The following ZSWIM1 variants were observed in gnomAD, a reference collection of about 807,000 sequenced individuals.
The protein encoded by ZSWIM1 is zinc finger SWIM domain-containing protein 1.
Under a neutral mutation model 29.3 loss-of-function variants are expected in ZSWIM1, and 22 were observed. The observed-to-expected ratio is 0.75, with a 90% CI of 0.54 to 1.07. ZSWIM1 has a LOEUF of 1.07. Among genes scored for constraint, ZSWIM1 ranks in the 50% least tolerant of loss-of-function variants. ZSWIM1 has a pLI of 0.00. For synonymous variants in ZSWIM1, 228 were observed against 240.8 expected, an observed-to-expected ratio of 0.95 and a Z score of 0.49; for missense variants, 511 against 596.2, an observed-to-expected ratio of 0.86 and a Z score of 1.49.
rs778858078 is a variant in ZSWIM1, at chr20:45,882,590, T to C, written c.-3T>C. On this transcript the variant is annotated 5_prime_UTR_variant, in exon 2 of 2. Transcript: ENST00000372523. ...TGTCTAGCCTCCAGCCTCAACTTACTTGATGCTTGAGAGACTCAAAGCCCC... is the reference window on the plus strand; with the variant it reads ...TGTCTAGCCTCCAGCCTCAACTTACCTGATGCTTGAGAGACTCAAAGCCCC... 7.5e-6 allele frequency: 12 copies of C among 1,608,956 alleles called. No homozygotes were observed. The highest frequency in any genetic ancestry group is 1.0e-5 in the Non-Finnish European group (12 of 1,177,190).
In ZSWIM1 at chr20:45,883,165, A is replaced by G. The variant is rs1337687336; in HGVS notation, c.573A>G (p.Glu191=). The change falls in exon 2 of 2, where the codon GAA becomes GAG. Residue 191 remains glutamate (E), a synonymous_variant. Transcript: ENST00000372523. ...FYQLSLERPV[E]RLLLTSLQST... is the part of the protein sequence containing the mutation. ...AGCTGTCCCTTGAACGGCCCGTGGAAAGGCTGCTCCTGACCTCCCTGCAGA... is the reference window on the plus strand; with the variant it reads ...AGCTGTCCCTTGAACGGCCCGTGGAGAGGCTGCTCCTGACCTCCCTGCAGA... 1.2e-6 allele frequency: 2 copies of G among 1,614,092 alleles called. No individual in the cohort carries two copies. Among genetic ancestry groups the G allele is most frequent in the Non-Finnish European group, 8.5e-7 (1 of 1,180,028 alleles).
chr20:45,881,249 A>C lies in ZSWIM1; in HGVS notation c.-73A>C, dbSNP rs1196656490. 1.3e-5 allele frequency: 2 copies of C among 152,494 alleles called. No homozygotes were observed. Among genetic ancestry groups the C allele is most frequent in the Non-Finnish European group, 2.9e-5 (2 of 68,074 alleles). The allele number at this position is 152,494 out of a possible 1,614,324, so 9.4% of individuals were successfully genotyped here. On this transcript the variant is annotated 5_prime_UTR_variant, in exon 1 of 2. Transcript: ENST00000372523. ...GTCAAATAGGGAGAAATGGCGACGGAGCCTGGCTGTGGGTGAGTGCTTCCT... is the reference window on the plus strand; with the variant it reads ...GTCAAATAGGGAGAAATGGCGACGGCGCCTGGCTGTGGGTGAGTGCTTCCT...
In ZSWIM1 at chr20:45,882,723, GCC is replaced by G; in HGVS notation, c.133_134del (p.Pro45ThrfsTer8). On this transcript the variant is annotated frameshift_variant, in exon 2 of 2. Transcript: ENST00000372523. LOFTEE classifies it low-confidence loss of function (END_TRUNC). ...AATGGGCTCCTGATTAAGGACTCAA[GCC>G]CACCTATGCTGCTGCACCAGGTTAA... is the stretch of plus-strand genomic sequence containing the variant. The G allele has an allele frequency of 6.2e-7, 1 of 1,614,228 alleles. No homozygotes were observed. The highest frequency in any genetic ancestry group is 1.3e-5 in the African/African-American group (1 of 75,050).
chr20:45,884,326 A>C lies in ZSWIM1; in HGVS notation c.*276A>C, dbSNP rs1358556484. On this transcript the variant is annotated 3_prime_UTR_variant, in exon 2 of 2. Transcript: ENST00000372523. ...GGTGGCCACATACAGTCTCTGTTGT[A>C]TATTCTTGGTTTTGTTTTAATATTT... 2.3e-5 allele frequency: 7 copies of C among 306,946 alleles called. No homozygotes were observed. Among genetic ancestry groups the C allele is most frequent in the Non-Finnish European group, 3.0e-5 (5 of 164,590 alleles). The allele number at this position is 306,946 out of a possible 1,614,324, so 19.0% of individuals were successfully genotyped here.
Position 45,882,613 on chromosome 20 carries a change from C to T in ZSWIM1, c.21C>T (p.Ala7=). Residue 7 remains alanine (A), a synonymous_variant, in exon 2 of 2, where the codon GCC becomes GCT. Coordinates refer to ENST00000372523, the MANE Select transcript of ZSWIM1 (RefSeq NM_080603.5). ...ACTTGATGCTTGAGAGACTCAAAGCCCCGTGGTCAGCTGCCCTGCAAAGAA... is the reference window on the plus strand; with the variant it reads ...ACTTGATGCTTGAGAGACTCAAAGCTCCGTGGTCAGCTGCCCTGCAAAGAA... The part of the protein sequence containing the change: MLERLK[A]PWSAALQRKY... 1.2e-6 allele frequency: 2 copies of T among 1,613,720 alleles called. No homozygotes were observed. Among genetic ancestry groups the T allele is most frequent in the Non-Finnish European group, 1.7e-6 (2 of 1,179,802 alleles).
In ZSWIM1 at chr20:45,883,489, C is replaced by T. The variant is rs1162662531; in HGVS notation, c.897C>T (p.Gly299=). 6.2e-7 allele frequency: 1 copy of T among 1,614,226 alleles called. No homozygotes were observed. Among genetic ancestry groups the T allele is most frequent in the South Asian group, 1.1e-5 (1 of 91,090 alleles). Residue 299 remains glycine (G), a synonymous_variant, in exon 2 of 2, where the codon GGC becomes GGT. Coordinates refer to ENST00000372523, the MANE Select transcript of ZSWIM1 (RefSeq NM_080603.5). ...CAGACAAGGCAAACTTCAACCAGGG[C>T]CTGTGTGCCCAGAACAATCATGCTC... ...NSADKANFNQ[G]LCAQNNHAPS...
chr20:45,883,717 G>GCCCCAGC lies in ZSWIM1; in HGVS notation c.1130_1136dup (p.Ser381ProfsTer9). 1 of 1,614,084 alleles carries GCCCCAGC rather than the reference G, an allele frequency of 6.2e-7. No homozygotes were observed. The highest frequency in any genetic ancestry group is 1.1e-5 in the South Asian group (1 of 91,078). On this transcript the variant is annotated frameshift_variant, in exon 2 of 2. Coordinates refer to ENST00000372523, the MANE Select transcript of ZSWIM1 (RefSeq NM_080603.5). LOFTEE classifies it high-confidence loss of function. Reference sequence around the variant, plus strand: ...TCCTGGAAGATACCCATAAGGTGCAGCCCCAGCCCCCTGCCAGCTGCAGCT... The same window carrying GCCCCAGC: ...TCCTGGAAGATACCCATAAGGTGCAGCCCCAGCCCCCAGCCCCCTGCCAGCTGCAGCT...
At position 45,881,250 on chromosome 20, in the gene ZSWIM1, G is replaced by A. The variant is rs141212344; in HGVS notation, c.-72G>A. On this transcript the variant is annotated 5_prime_UTR_variant, in exon 1 of 2. Coordinates refer to ENST00000372523, the MANE Select transcript of ZSWIM1 (RefSeq NM_080603.5). ...TCAAATAGGGAGAAATGGCGACGGA[G>A]CCTGGCTGTGGGTGAGTGCTTCCTG... 9 of 152,656 alleles carry A rather than the reference G, an allele frequency of 5.9e-5. No individual in the cohort carries two copies. Among genetic ancestry groups the A allele is most frequent in the African/African-American group, 1.9e-4 (8 of 41,592 alleles). 9.5% of individuals were successfully genotyped at this position (152,656 alleles called of 1,614,324 possible).
In ZSWIM1 at chr20:45,881,786, A is replaced by G. The variant is rs549713216; in HGVS notation, c.-61+525A>G. On this transcript the variant is annotated intron_variant, in intron 1 of 1. Coordinates refer to ENST00000372523, the MANE Select transcript of ZSWIM1 (RefSeq NM_080603.5). The stretch of plus-strand genomic sequence containing the variant: ...GAGCAATTGCAGTTCTCTTATACAT[A>G]CCAGGACCAAAGGAAAGAATGGATG... Among the ~76,000 whole-genome samples, 3 of 152,356 alleles carry G rather than the reference A, an allele frequency of 2.0e-5. No homozygotes were observed. In the South Asian group the frequency reaches 6.2e-4, roughly 32 times the overall value.
In ZSWIM1 at chr20:45,882,852, C is replaced by T. The variant is rs377031412; in HGVS notation, c.260C>T (p.Pro87Leu). 3 of 1,614,094 alleles carry T rather than the reference C, an allele frequency of 1.9e-6. No individual in the cohort carries two copies. In the African/African-American group the frequency reaches 4.0e-5, roughly 22 times the overall value. ...EILFIHRTYN[P>L]RGKVLYTFLV... ...TTATTTATCCACCGGACCTATAACC[C>T]AAGGGGTAAGGTCTTATATACCTTC... Residue 87 changes from proline to leucine, a missense_variant, in exon 2 of 2, where the codon CCA becomes CTA. Coordinates refer to ENST00000372523, the MANE Select transcript of ZSWIM1 (RefSeq NM_080603.5).
Position 45,883,933 on chromosome 20 carries a change from C to T in ZSWIM1, c.1341C>T (p.Thr447=), listed in dbSNP as rs992609301. 6 of 1,613,950 alleles carry T rather than the reference C, an allele frequency of 3.7e-6. No homozygotes were observed. The highest frequency in any genetic ancestry group is 1.3e-5 in the African/African-American group (1 of 74,900). The part of the protein sequence containing the change: ...LDKHLAVTHL[T]EEVGQLLQHC... ...AGCACCTGGCAGTGACTCACCTCAC[C>T]GAGGAGGTGGGTCAGCTGTTGCAGC... Residue 447 remains threonine (T), a synonymous_variant, in exon 2 of 2, where the codon ACC becomes ACT. Coordinates refer to ENST00000372523, the MANE Select transcript of ZSWIM1 (RefSeq NM_080603.5).
rs750505217 is a variant in ZSWIM1 at position 45,884,357 on chromosome 20, CTTTTTTT to C, written c.*324_*330del. ...TTGGTTTTGTTTTAATATTTTTTTTCTTTTTTTTTTTTTTTTTTTTTTTGAGAAGGAG... is the reference window on the plus strand; with the variant it reads ...TTGGTTTTGTTTTAATATTTTTTTTCTTTTTTTTTTTTTTTTGAGAAGGAG... On this transcript the variant is annotated 3_prime_UTR_variant, in exon 2 of 2. Coordinates refer to ENST00000372523, the MANE Select transcript of ZSWIM1 (RefSeq NM_080603.5). 9.5e-4 allele frequency: 88 copies of C among 92,818 alleles called. No homozygotes were observed. In the South Asian group the frequency reaches 0.011, roughly 12 times the overall value. 5.7% of individuals were successfully genotyped at this position (92,818 alleles called of 1,614,324 possible).
chr20:45,883,043 T>G lies in ZSWIM1; in HGVS notation c.451T>G (p.Phe151Val). Reference protein sequence around the residue: ...RVCTILVDPHFLPLPILAMEF... With the variant: ...RVCTILVDPHVLPLPILAMEF... ...CTGTACCATCCTGGTGGATCCTCAT[T>G]TCCTTCCACTGCCTATCCTAGCTAT... is the stretch of plus-strand genomic sequence containing the variant. Residue 151 changes from phenylalanine (F) to valine (V), a missense_variant, in exon 2 of 2, where the codon TTC becomes GTC. Coordinates refer to ENST00000372523, the MANE Select transcript of ZSWIM1 (RefSeq NM_080603.5). 6.2e-7 allele frequency: 1 copy of G among 1,614,164 alleles called. No individual in the cohort carries two copies. The highest frequency in any genetic ancestry group is 8.5e-7 in the Non-Finnish European group (1 of 1,180,028).
At chr20:45,882,468 G>A in intron 1 of ZSWIM1, 65 bp from the exon 2 acceptor site, 1 of 1,156,880 alleles carries the variant, frequency 8.6e-7, no homozygotes, top group East Asian at 2.4e-5. Context: ...AACAAATATT[G>A]TGTGGATGAA....
Position 45,884,119 on chromosome 20 carries a change from C to G in ZSWIM1, c.*69C>G. 1 of 1,434,870 alleles carries G rather than the reference C, an allele frequency of 7.0e-7. No individual in the cohort carries two copies. Among genetic ancestry groups the G allele is most frequent in the Non-Finnish European group, 9.4e-7 (1 of 1,060,010 alleles). The allele number at this position is 1,434,870 out of a possible 1,614,324, so 88.9% of individuals were successfully genotyped here. A position where few individuals can be genotyped will look rare whatever the true frequency, so the allele number is the denominator to read the frequency against. On this transcript the variant is annotated 3_prime_UTR_variant, in exon 2 of 2. Coordinates refer to ENST00000372523, the MANE Select transcript of ZSWIM1 (RefSeq NM_080603.5). ...ACATCCACCCATACACACACACACA[C>G]ACACACACACACACACACACACACT...
chr20:45,884,274 CA>C lies in ZSWIM1; in HGVS notation c.*227del, dbSNP rs1601126894. Reference sequence around the variant, plus strand: ...TCTAGCTCAATGAGACAGGAGTCAGCAAATCTTAATCTGTTTAGTTTACTCA... The same window carrying C: ...TCTAGCTCAATGAGACAGGAGTCAGCAATCTTAATCTGTTTAGTTTACTCA... On this transcript the variant is annotated 3_prime_UTR_variant, in exon 2 of 2. Coordinates refer to ENST00000372523, the MANE Select transcript of ZSWIM1 (RefSeq NM_080603.5). The C allele has an allele frequency of 3.8e-6, 2 of 530,518 alleles. No individual in the cohort carries two copies. Among genetic ancestry groups the C allele is most frequent in the African/African-American group, 3.9e-5 (2 of 51,768 alleles). The allele number at this position is 530,518 out of a possible 1,614,324, so 32.9% of individuals were successfully genotyped here.
In ZSWIM1 at chr20:45,883,964, A is replaced by C; in HGVS notation, c.1372A>C (p.Thr458Pro). ...EEVGQLLQHC[T>P]KEEFERRYST... ...GGTGGGTCAGCTGTTGCAGCACTGC[A>C]CCAAGGAGGAGTTTGAGCGGAGGTA... is the stretch of plus-strand genomic sequence containing the variant. Residue 458 changes from threonine to proline, a missense_variant, in exon 2 of 2, where the codon ACC becomes CCC. Thr to Pro is a conservative substitution (Grantham distance 38). Transcript: ENST00000372523. The C allele has an allele frequency of 6.2e-7, 1 of 1,614,172 alleles. No individual in the cohort carries two copies. The highest frequency in any genetic ancestry group is 8.5e-7 in the Non-Finnish European group (1 of 1,180,030).
chr20:45,883,955 C>G lies in ZSWIM1; in HGVS notation c.1363C>G (p.Gln455Glu). The stretch of plus-strand genomic sequence containing the variant: ...CACCGAGGAGGTGGGTCAGCTGTTG[C>G]AGCACTGCACCAAGGAGGAGTTTGA... Reference protein sequence around the residue: ...HLTEEVGQLLQHCTKEEFERR... With the variant: ...HLTEEVGQLLEHCTKEEFERR... Residue 455 changes from glutamine to glutamate, a missense_variant, in exon 2 of 2, where the codon CAG (glutamine) becomes GAG (glutamate). Transcript: ENST00000372523. 1.2e-6 allele frequency: 2 copies of G among 1,614,164 alleles called. No homozygotes were observed. The highest frequency in any genetic ancestry group is 1.7e-6 in the Non-Finnish European group (2 of 1,180,036).
In ZSWIM1 at chr20:45,883,584, A is replaced by G. The variant is rs745995325; in HGVS notation, c.992A>G (p.Asn331Ser). ...LVESHIQHSL[N>S]AICTGPAAQL... ...GAATCCCACATCCAGCACTCCCTCA[A>G]TGCCATCTGCACAGGGCCAGCAGCC... Residue 331 changes from asparagine to serine, a missense_variant, in exon 2 of 2, where the codon AAT (asparagine) becomes AGT (serine). Coordinates refer to ENST00000372523, the MANE Select transcript of ZSWIM1 (RefSeq NM_080603.5). The G allele has an allele frequency of 5.6e-6, 9 of 1,614,070 alleles. No homozygotes were observed. Among genetic ancestry groups the G allele is most frequent in the East Asian group, 2.2e-5 (1 of 44,894 alleles).
Sources: allele counts gnomAD v4.1 joint callset (sites outside exome capture counted in the v4.1 genomes callset), GRCh38; gene constraint gnomAD v4.1.1; transcripts MANE v1.5; gene names NCBI Gene and HGNC (gene_info 2026-07-23, HGNC 2026-07-21).